Variants in RALGAPA2 observed in about 807,000 individuals in gnomAD.
RALGAPA2 encodes the protein Ral GTPase activating protein catalytic subunit alpha 2.
In RALGAPA2, 139 loss-of-function variants were observed where a neutral mutation model predicts 230.4. That is an observed-to-expected ratio of 0.60 (90% CI 0.53 to 0.69). The LOEUF is 0.69. RALGAPA2 is among the 30% of genes least tolerant of loss of function. The pLI is 0.00. For missense variants in RALGAPA2, 2,163 were observed against 2,276.0 expected (o/e 0.95, Z 1.01); for synonymous variants, 847 against 837.8 (o/e 1.01, Z -0.19).
chr20:20,611,460 A>C (rs1437570336), intron 13 of RALGAPA2, 34 bp from the exon 14 acceptor site: 6 of 1,602,046 alleles, frequency 3.7e-6, no homozygotes, highest in Non-Finnish European at 5.1e-6. Context: ...CATATTAATA[A>C]TCATGTCTCC....
chr20:20,403,994 C>T (rs183252488), intron 38 of RALGAPA2, among the ~76,000 whole-genome samples: 1 of 152,212 alleles, frequency 6.6e-6, no homozygotes, highest in Admixed American at 6.5e-5. Context: ...CAGGTCACAG[C>T]TGAGTGCTGC....
At chr20:20,462,089 G>A (rs1258369974) in intron 37 of RALGAPA2, among the ~76,000 whole-genome samples, 1 of 152,154 alleles carries the variant, frequency 6.6e-6, no homozygotes, top group African/African-American at 2.4e-5. Flanking sequence ...CCGAAATAAA[G>A]CATTAGAAAA....
intron 37 of RALGAPA2, among the ~76,000 whole-genome samples, chr20:20,431,344 A>C (rs567202489): frequency 1.3e-5 from 2 of 152,142 alleles, no homozygotes; most frequent in African/African-American, 4.8e-5. Context: ...GCAGCCAGGT[A>C]TGAGGCTGGA....
At chr20:20,478,884 CT>C (rs2061710939) in intron 36 of RALGAPA2, among the ~76,000 whole-genome samples, 1 of 151,612 alleles carries the variant, frequency 6.6e-6, no homozygotes, top group Non-Finnish European at 1.5e-5. Flanking sequence ...AAAGTTCGTT[CT>C]TTGAAAAAAG....
At chr20:20,607,985 A>G (rs1258172874) in intron 14 of RALGAPA2, among the ~76,000 whole-genome samples, 1 of 152,176 alleles carries the variant, frequency 6.6e-6, no homozygotes, top group Non-Finnish European at 1.5e-5. Flanking sequence ...TTAATCAATT[A>G]CCATTTTCTA....
chr20:20,660,385 G>A (rs531067240), intron 3 of RALGAPA2, among the ~76,000 whole-genome samples: 54 of 152,216 alleles, frequency 3.5e-4, no homozygotes, highest in Non-Finnish European at 4.9e-4. Context: ...GGTTTCCTTA[G>A]CTGACTGACC....
Position 20,520,905 on chromosome 20 carries a change from A to G in RALGAPA2, c.4084+12T>C, listed in dbSNP as rs748908963. ...CCTTCCCACAAGATTTCATACCTGA[A>G]AGAATACTCACCCTCTTCAACAGTC... On this transcript the variant is annotated intron_variant, in intron 31 of 39. Coordinates refer to ENST00000202677, the MANE Select transcript of RALGAPA2 (RefSeq NM_020343.4). The G allele has an allele frequency of 1.1e-5, 18 of 1,567,044 alleles. No homozygotes were observed. Among genetic ancestry groups the G allele is most frequent in the South Asian group, 8.0e-5 (7 of 87,150 alleles).
At chr20:20,409,074 C>T (rs971977431) in intron 38 of RALGAPA2, among the ~76,000 whole-genome samples, 4 of 152,176 alleles carry the variant, frequency 2.6e-5, no homozygotes, top group South Asian at 2.1e-4. Context: ...TGGTTGACGG[C>T]GCATCCTGAA....
chr20:20,416,319 A>C (rs2122810400), intron 37 of RALGAPA2, among the ~76,000 whole-genome samples: 1 of 152,092 alleles, frequency 6.6e-6, no homozygotes, highest in African/African-American at 2.4e-5. Context: ...TGGCAAGCAA[A>C]CCCCCTTTAG....
At chr20:20,578,805 G>C (rs1396829861) in intron 20 of RALGAPA2, among the ~76,000 whole-genome samples, 1 of 152,178 alleles carries the variant, frequency 6.6e-6, no homozygotes, top group Non-Finnish European at 1.5e-5. Context: ...CAATGATCAA[G>C]TGGAGAAACA....
intron 37 of RALGAPA2, among the ~76,000 whole-genome samples, chr20:20,456,309 A>C (rs184769459): frequency 2.6e-4 from 39 of 152,372 alleles, no homozygotes; most frequent in African/African-American, 9.4e-4. Flanking sequence ...TGAATAACAC[A>C]TAGCTTTACC....
intron 30 of RALGAPA2, among the ~76,000 whole-genome samples, chr20:20,521,999 T>C (rs961705446): frequency 6.6e-5 from 10 of 152,192 alleles, no homozygotes; most frequent in African/African-American, 2.4e-4. Context: ...TAGCAAAAAA[T>C]GCAGTATAGG....
At chr20:20,618,103 C>A (rs1288074596) in intron 12 of RALGAPA2, among the ~76,000 whole-genome samples, 1 of 152,166 alleles carries the variant, frequency 6.6e-6, no homozygotes, top group Non-Finnish European at 1.5e-5. Context: ...GTACTCATTT[C>A]ATTTAAAGTC....
At chr20:20,655,474 C>T (rs1007531006) in intron 3 of RALGAPA2, among the ~76,000 whole-genome samples, 23 of 151,666 alleles carry the variant, frequency 1.5e-4, no homozygotes, top group Non-Finnish European at 2.4e-4. Context: ...GAATTAAATT[C>T]GCCTAGTGGA....
chr20:20,709,830 CT>C (rs1476525201), intron 1 of RALGAPA2, among the ~76,000 whole-genome samples: 1 of 152,132 alleles, frequency 6.6e-6, no homozygotes, highest in Non-Finnish European at 1.5e-5. Context: ...TAAATACAGA[CT>C]ACTTTTTAGG....
At chr20:20,677,127 G>A (rs536504635) in intron 2 of RALGAPA2, among the ~76,000 whole-genome samples, 26 of 152,168 alleles carry the variant, frequency 1.7e-4, no homozygotes, top group Non-Finnish European at 3.5e-4. Flanking sequence ...GAGGATACAG[G>A]AGTGAGCAAA....
chr20:20,515,720 G>C (rs2062849777), intron 31 of RALGAPA2, among the ~76,000 whole-genome samples: 2 of 152,220 alleles, frequency 1.3e-5, no homozygotes, highest in Admixed American at 1.3e-4. Flanking sequence ...ATATCTCACA[G>C]GGGACCTTGG....
rs192204224 is a variant in RALGAPA2 at position 20,397,569 on chromosome 20, G to A, written c.5618-835C>T. Among the ~76,000 whole-genome samples the A allele has an allele frequency of 7.2e-5, 11 of 152,286 alleles. 1 individual carries two copies. The East Asian group carries it at 1.7e-3, about 24-fold the overall frequency. ...TCTCCTGAATTCTGTGTCAGTAGAC[G>A]ACCATCAGATCTGGACAAAGGACAT... On this transcript the variant is annotated intron_variant, in intron 38 of 39. Transcript: ENST00000202677.
At chr20:20,669,430 G>A (rs2068062595) in intron 3 of RALGAPA2, among the ~76,000 whole-genome samples, 1 of 152,176 alleles carries the variant, frequency 6.6e-6, no homozygotes, top group African/African-American at 2.4e-5. Context: ...CTCAGAGCAT[G>A]TTTCTGATAT....
Sources: allele counts gnomAD v4.1 joint callset (sites outside exome capture counted in the v4.1 genomes callset), GRCh38; gene constraint gnomAD v4.1.1; transcripts MANE v1.5; gene names NCBI Gene and HGNC (gene_info 2026-07-23, HGNC 2026-07-21).